The following DENND3 variants were observed in gnomAD, a reference collection of about 807,000 sequenced individuals.
The protein encoded by DENND3 is DENN domain-containing protein 3.
Under a neutral mutation model 135.1 loss-of-function variants are expected in DENND3, and 88 were observed. The observed-to-expected ratio is 0.65, with a 90% CI of 0.55 to 0.78. The LOEUF is 0.78. Among genes scored for constraint, DENND3 ranks in the 30% least tolerant of loss-of-function variants. The pLI, the probability that DENND3 is intolerant of heterozygous loss-of-function variation, is 0.00. For synonymous variants in DENND3, 693 were observed against 712.3 expected, an observed-to-expected ratio of 0.97 and a Z score of 0.43; for missense variants, 1,392 against 1,688.4, an observed-to-expected ratio of 0.82 and a Z score of 3.08.
intron 17 of DENND3, among the ~76,000 whole-genome samples, chr8:141,183,526 G>A (rs1823457266): frequency 6.6e-6 from 1 of 151,608 alleles, no homozygotes; most frequent in Non-Finnish European, 1.5e-5. Context: ...AAAGCGCTGG[G>A]TTAGAGGCGT....
intron 16 of DENND3, among the ~76,000 whole-genome samples, chr8:141,178,845 C>G (rs1388106976): frequency 1.3e-5 from 2 of 152,166 alleles, no homozygotes; most frequent in Non-Finnish European, 2.9e-5. Context: ...GATCTTCAAG[C>G]CTAGGGTTTT....
chr8:141,159,170 T>C (rs1256625186), intron 8 of DENND3, among the ~76,000 whole-genome samples: 1 of 152,184 alleles, frequency 6.6e-6, no homozygotes, highest in Non-Finnish European at 1.5e-5. Flanking sequence ...AGAACCCTGG[T>C]CCTGGCCCTG....
intron 11 of DENND3, 30 bp downstream of exon 11, chr8:141,165,319 G>T (rs1256150051): frequency 1.3e-6 from 2 of 1,566,468 alleles, no homozygotes; most frequent in East Asian, 4.5e-5. Flanking sequence ...TGGATCTGCA[G>T]CTCTTTAGGA....
intron 11 of DENND3, 58 bp downstream of exon 11, chr8:141,165,347 C>T (rs149343004): frequency 2.2e-6 from 3 of 1,391,388 alleles, no homozygotes; most frequent in East Asian, 2.3e-5. Context: ...TGTTCAAGGA[C>T]CTCAGTTTTA....
chr8:141,153,471 T>G (rs1214627558), intron 7 of DENND3, among the ~76,000 whole-genome samples: 1 of 152,234 alleles, frequency 6.6e-6, no homozygotes, highest in Non-Finnish European at 1.5e-5. Flanking sequence ...GTCCTCAGCC[T>G]GTTGCCAGCT....
At position 141,182,209 on chromosome 8, in the gene DENND3, C is replaced by T. The variant is rs369638170; in HGVS notation, c.2944+1355C>T. ...CACCCCCTCTCACAGGCCATGTCCG[C>T]GGCTTCACAGAGCACCTGGCCATTC... On this transcript the variant is annotated intron_variant, in intron 17 of 22. Transcript: ENST00000519811. This position sits in a 1 kb window ranked among gnomAD's most constrained non-coding sequence, Gnocchi z 5.9. 298 of 699,062 alleles carry T rather than the reference C, an allele frequency of 4.3e-4. 2 individuals are homozygous for T. In the African/African-American group the frequency reaches 5.3e-3, roughly 12 times the overall value. 43.3% of individuals were successfully genotyped at this position (699,062 alleles called of 1,614,324 possible). A position where few individuals can be genotyped will look rare whatever the true frequency, so the allele number is the denominator to read the frequency against.
In DENND3 at chr8:141,168,194, G is replaced by C. The variant is rs746702074; in HGVS notation, c.1944G>C (p.Leu648=). The C allele has an allele frequency of 1.9e-6, 3 of 1,614,194 alleles. No homozygotes were observed. The highest frequency in any genetic ancestry group is 2.5e-6 in the Non-Finnish European group (3 of 1,180,046). Residue 648 remains leucine, a synonymous_variant, in exon 13 of 23, where the codon CTG becomes CTC. Coordinates refer to ENST00000519811, the MANE Select transcript of DENND3 (RefSeq NM_001352890.3). The surrounding 1 kb of genome is among the most constrained non-coding windows in gnomAD (Gnocchi z 6.2). ...RYLYLRGLVY[L]MQGQLLNALL... ...TGTACCTCCGAGGGCTCGTTTATCTGATGCAGGGACAGCTGCTGAACGCCC... is the reference window on the plus strand; with the variant it reads ...TGTACCTCCGAGGGCTCGTTTATCTCATGCAGGGACAGCTGCTGAACGCCC...
rs147011093 is a variant in DENND3, at chr8:141,157,479, G to A, written c.1196+1509G>A. On this transcript the variant is annotated intron_variant, in intron 8 of 22. Coordinates refer to ENST00000519811, the MANE Select transcript of DENND3 (RefSeq NM_001352890.3). ...CCAACTGCAGCCAGGCCCTGAGTGCGGTCGTGGAGGTGACGCTGGAGGGAG... is the reference window on the plus strand; with the variant it reads ...CCAACTGCAGCCAGGCCCTGAGTGCAGTCGTGGAGGTGACGCTGGAGGGAG... The A allele has an allele frequency of 1.2e-5, 12 of 985,656 alleles. No individual in the cohort carries two copies. The East Asian group carries it at 1.0e-3, about 84-fold the overall frequency. 61.1% of individuals were successfully genotyped at this position (985,656 alleles called of 1,614,324 possible).
At chr8:141,188,154 G>T (rs1224048640) in intron 18 of DENND3, among the ~76,000 whole-genome samples, 2 of 151,244 alleles carry the variant, frequency 1.3e-5, no homozygotes, top group East Asian at 3.9e-4. Flanking sequence ...TGAGCCGGGA[G>T]GCTGAGGCTG....
At chr8:141,160,864 G>A (rs578242044) in intron 9 of DENND3, 77 bp downstream of exon 9, 10 of 1,519,674 alleles carry the variant, frequency 6.6e-6, no homozygotes, top group Non-Finnish European at 8.1e-6. Context: ...CGTGCACCCC[G>A]CCCCAGAGGG....
At chr8:141,188,036 A>ACATCAGCCAGGCTGGTGG in intron 18 of DENND3, among the ~76,000 whole-genome samples, 1 of 144,308 alleles carries the variant, frequency 6.9e-6, no homozygotes, top group South Asian at 2.3e-4. Flanking sequence ...AAACTGCCAA[A>ACATCAGCCAGGCTGGTGG]CATCAGCCAG....
intron 2 of DENND3, 45 bp downstream of exon 2, chr8:141,136,836 C>A: frequency 2.0e-6 from 3 of 1,491,610 alleles, no homozygotes; most frequent in Non-Finnish European, 8.9e-7. Flanking sequence ...CTGCTGCCGG[C>A]CACCCAGAGT....
In DENND3 at chr8:141,146,316, G is replaced by A. The variant is rs947688488; in HGVS notation, c.735+2057G>A. 6.6e-6 allele frequency among the ~76,000 whole-genome samples: 1 copy of A among 152,208 alleles called. No homozygotes were observed. The highest frequency in any genetic ancestry group is 2.4e-5 in the African/African-American group (1 of 41,438). On this transcript the variant is annotated intron_variant, in intron 5 of 22. Coordinates refer to ENST00000519811, the MANE Select transcript of DENND3 (RefSeq NM_001352890.3). The surrounding 1 kb of genome is among the most constrained non-coding windows in gnomAD (Gnocchi z 4.3). ...TGAGAGATGTTATTGGCGATTTCAAGACACAGGGTTTGGGGTTAAGTGAAG... is the reference window on the plus strand; with the variant it reads ...TGAGAGATGTTATTGGCGATTTCAAAACACAGGGTTTGGGGTTAAGTGAAG...
intron 13 of DENND3, among the ~76,000 whole-genome samples, chr8:141,173,206 C>T (rs1330779996): frequency 2.0e-5 from 3 of 152,264 alleles, no homozygotes; most frequent in Non-Finnish European, 2.9e-5. Context: ...TGACAGGCCC[C>T]GCCCACTGGG....
At chr8:141,179,362 A>T (rs184815225) in intron 16 of DENND3, among the ~76,000 whole-genome samples, 2 of 152,182 alleles carry the variant, frequency 1.3e-5, no homozygotes, top group Admixed American at 1.3e-4. Flanking sequence ...CTCATTCCAA[A>T]CTCATGCCTA....
chr8:141,147,788 C>G (rs1373425257), intron 5 of DENND3, among the ~76,000 whole-genome samples: 1 of 152,216 alleles, frequency 6.6e-6, no homozygotes. Flanking sequence ...GAGCTCACAG[C>G]CGGGCCCGCA....
Position 141,168,459 on chromosome 8 carries a change from G to A in DENND3, c.2209G>A (p.Val737Ile), listed in dbSNP as rs1240868879. Residue 737 changes from valine (V) to isoleucine (I), a missense_variant, in exon 13 of 23, where the codon GTC becomes ATC. By Grantham distance (29) the Val-to-Ile change is conservative. Transcript: ENST00000519811. The surrounding 1 kb of genome is among the most constrained non-coding windows in gnomAD (Gnocchi z 6.2). ...HMQLGDFMKR[V>I]QESGIVKDAS... Reference sequence around the variant, plus strand: ...GCAGCTGGGCGACTTCATGAAGCGGGTCCAGGAGTCAGGGATCGTGAAGGA... The same window carrying A: ...GCAGCTGGGCGACTTCATGAAGCGGATCCAGGAGTCAGGGATCGTGAAGGA... The A allele has an allele frequency of 6.2e-7, 1 of 1,613,734 alleles. No individual in the cohort carries two copies. Among genetic ancestry groups the A allele is most frequent in the Non-Finnish European group, 8.5e-7 (1 of 1,180,000 alleles).
chr8:141,149,190 A>G (rs866600263), intron 5 of DENND3, among the ~76,000 whole-genome samples: 1 of 152,212 alleles, frequency 6.6e-6, no homozygotes, highest in Non-Finnish European at 1.5e-5. Flanking sequence ...GATTATAGGC[A>G]TGAGCCACCA....
At position 141,167,164 on chromosome 8, in the gene DENND3, G is replaced by A. The variant is rs2154613175; in HGVS notation, c.1753+775G>A. Among the ~76,000 whole-genome samples the A allele has an allele frequency of 6.6e-6, 1 of 152,314 alleles. No homozygotes were observed. The highest frequency in any genetic ancestry group is 1.9e-4 in the East Asian group (1 of 5,188). Reference sequence around the variant, plus strand: ...CGTTGTCTTTATCGGCTGAGCGCTGGAGCTCAGAGCGAACATTCTGGAGGC... The same window carrying A: ...CGTTGTCTTTATCGGCTGAGCGCTGAAGCTCAGAGCGAACATTCTGGAGGC... On this transcript the variant is annotated intron_variant, in intron 12 of 22. Coordinates refer to ENST00000519811, the MANE Select transcript of DENND3 (RefSeq NM_001352890.3). The surrounding 1 kb of genome is among the most constrained non-coding windows in gnomAD (Gnocchi z 4.1).
Sources: allele counts gnomAD v4.1 joint callset (sites outside exome capture counted in the v4.1 genomes callset), GRCh38; gene constraint gnomAD v4.1.1; non-coding constraint Gnocchi (gnomAD v3.1); transcripts MANE v1.5; gene names NCBI Gene and HGNC (gene_info 2026-07-23, HGNC 2026-07-21).